The following DUS2 variants were observed in gnomAD, a reference collection of about 807,000 sequenced individuals.
DUS2 encodes the protein dihydrouridine synthase 2.
In DUS2, 52 loss-of-function variants were observed where a neutral mutation model predicts 71.3. The observed-to-expected ratio is 0.73, with a 90% CI of 0.58 to 0.92. The LOEUF (loss-of-function observed/expected upper bound fraction) is 0.92. Ranked by LOEUF, DUS2 falls within the 40% of genes least tolerant of loss-of-function variation. DUS2 has a pLI of 0.00. For synonymous variants in DUS2, 204 were observed against 227.8 expected (o/e 0.90, Z 0.94); for missense variants, 558 against 622.6 (o/e 0.90, Z 1.10).
chr16:68,038,349 G>A (rs12102597), intron 3 of DUS2, among the ~76,000 whole-genome samples, 200 bp downstream of exon 3: 4,219 of 152,284 alleles, frequency 0.028, 184 homozygotes, highest in African/African-American at 0.094. Flanking sequence ...TGGTAGCACA[G>A]AAGCGTTCTG....
rs780493628 is a variant in DUS2, at chr16:68,070,156, CA to C, written c.578del (p.His193LeufsTer20). 6.2e-7 allele frequency: 1 copy of C among 1,614,158 alleles called. No individual in the cohort carries two copies. The highest frequency in any genetic ancestry group is 8.5e-7 in the Non-Finnish European group (1 of 1,180,016). On this transcript the variant is annotated frameshift_variant, in exon 11 of 17. Transcript: ENST00000565263. LOFTEE classifies it high-confidence loss of function. Reference protein sequence around the residue: ...HGRKREERPQHPVSCEVIKAI... With the variant: ...HGRKREERPQXPVSCEVIKAI... ...AAGGAAGCGGGAGGAGCGACCTCAG[CA>C]TCCTGTCAGCTGTGAAGTCATCAAA...
intron 7 of DUS2, among the ~76,000 whole-genome samples, chr16:68,056,815 T>C (rs1292448221): frequency 1.4e-5 from 2 of 146,184 alleles, no homozygotes; most frequent in South Asian, 4.2e-4. Flanking sequence ...ATATATTTTA[T>C]TATATATTAT....
In DUS2 at chr16:68,066,563, C is replaced by T; in HGVS notation, c.484-3C>T. ...AACCATCCTGTGTGGTCCTCCTCCT[C>T]AGCTAGAAGATACCCTGAGCCTTGT... On this transcript the variant is annotated splice_region_variant and splice_polypyrimidine_tract_variant and intron_variant, in intron 9 of 16. Coordinates refer to ENST00000565263, the MANE Select transcript of DUS2 (RefSeq NM_017803.5). The T allele has an allele frequency of 6.2e-7, 1 of 1,614,158 alleles. No homozygotes were observed. Among genetic ancestry groups the T allele is most frequent in the South Asian group, 1.1e-5 (1 of 91,062 alleles).
intron 3 of DUS2, among the ~76,000 whole-genome samples, chr16:68,047,197 G>C (rs112577418): frequency 1.4e-5 from 2 of 147,366 alleles, no homozygotes; most frequent in Admixed American, 1.4e-4. Context: ...CTGGGATTAC[G>C]GGCACGTGCC....
intron 12 of DUS2, among the ~76,000 whole-genome samples, chr16:68,071,666 C>G (rs1333310480): frequency 4.5e-5 from 6 of 133,216 alleles, no homozygotes; most frequent in African/African-American, 1.8e-4. Flanking sequence ...GAGATGGGGT[C>G]TTGCTCTGTT....
chr16:68,035,929 T>TATATACAC (rs1416625748), intron 2 of DUS2, among the ~76,000 whole-genome samples: 1 of 108,572 alleles, frequency 9.2e-6, no homozygotes, highest in African/African-American at 3.9e-5. Context: ...TATATATATA[T>TATATACAC]ACACACATAC....
chr16:68,036,584 C>T (rs1470891322), intron 2 of DUS2, among the ~76,000 whole-genome samples: 3 of 152,154 alleles, frequency 2.0e-5, no homozygotes, highest in East Asian at 1.9e-4. Flanking sequence ...ATTACAAGCG[C>T]GAGCCACAGT....
At chr16:68,059,038 C>T (rs564313561) in intron 7 of DUS2, among the ~76,000 whole-genome samples, 12 of 152,172 alleles carry the variant, frequency 7.9e-5, no homozygotes, top group East Asian at 7.7e-4. Context: ...AGAATGAAAC[C>T]GCATGTCTAC....
chr16:68,056,287 G>C (rs1425462376), intron 6 of DUS2, 77 bp from the exon 7 acceptor site: 1 of 1,257,240 alleles, frequency 8.0e-7, no homozygotes, highest in Non-Finnish European at 1.2e-6. Context: ...ATGAGCACAG[G>C]CCCATCCATG....
At chr16:68,024,831 CTTT>C (rs568848831) in intron 1 of DUS2, among the ~76,000 whole-genome samples, 12 of 132,250 alleles carry the variant, frequency 9.1e-5, no homozygotes, top group Admixed American at 3.1e-4. Context: ...TGGCTGGATA[CTTT>C]TTTTTTTTTT....
chr16:68,055,683 G>C (rs1234484504), intron 6 of DUS2, among the ~76,000 whole-genome samples: 1 of 151,882 alleles, frequency 6.6e-6, no homozygotes, highest in Non-Finnish European at 1.5e-5. Context: ...GCAGCATGTG[G>C]CACATACTGA....
At chr16:68,049,694 C>T in intron 4 of DUS2, 144 bp downstream of exon 4, 1 of 760,466 alleles carries the variant, frequency 1.3e-6, no homozygotes, top group South Asian at 1.6e-5. Flanking sequence ...AGAGCAGTCA[C>T]TGATCTCCAG....
intron 7 of DUS2, among the ~76,000 whole-genome samples, chr16:68,058,709 T>C (rs574724396): frequency 6.6e-6 from 1 of 152,328 alleles, no homozygotes; most frequent in East Asian, 1.9e-4. Flanking sequence ...ACTAGTAACA[T>C]TGATTTCCTC....
Position 68,066,612 on chromosome 16 carries a change from T to C in DUS2, c.530T>C (p.Ile177Thr), listed in dbSNP as rs1382430487. The change falls in exon 10 of 17, where the codon ATT becomes ACT. Residue 177 changes from isoleucine to threonine, a missense_variant. By Grantham distance (89) the Ile-to-Thr change is moderately conservative (BLOSUM62 -1). Transcript: ENST00000565263. ...GTGAAGCGGATAGAGAGGACTGGCA[T>C]TGCTGCCATCGCAGTTCATGGGAGG... is the stretch of plus-strand genomic sequence containing the variant. The part of the protein sequence containing the change: ...SLVKRIERTG[I>T]AAIAVHGRKR... 1 of 1,614,072 alleles carries C rather than the reference T, an allele frequency of 6.2e-7. No homozygotes were observed. Among genetic ancestry groups the C allele is most frequent in the African/African-American group, 1.3e-5 (1 of 74,952 alleles).
chr16:68,063,341 G>A (rs1454552312), intron 8 of DUS2, among the ~76,000 whole-genome samples: 1 of 152,124 alleles, frequency 6.6e-6, no homozygotes, highest in Non-Finnish European at 1.5e-5. Context: ...AGAGCTTTGC[G>A]GGTCCTTCCA....
chr16:68,032,472 A>G (rs2033454086), intron 2 of DUS2, among the ~76,000 whole-genome samples: 1 of 152,212 alleles, frequency 6.6e-6, no homozygotes, highest in Non-Finnish European at 1.5e-5. Context: ...ACTGAGCTGC[A>G]GAGAAATGTA....
intron 3 of DUS2, among the ~76,000 whole-genome samples, chr16:68,047,117 G>A (rs1229660101): frequency 7.3e-6 from 1 of 137,118 alleles, no homozygotes; most frequent in African/African-American, 2.8e-5. Context: ...GTGCAGTGGT[G>A]CGGTCTTGGC....
intron 14 of DUS2, among the ~76,000 whole-genome samples, chr16:68,075,804 C>A (rs1262322517): frequency 6.6e-6 from 1 of 152,144 alleles, no homozygotes; most frequent in Non-Finnish European, 1.5e-5. Flanking sequence ...TTCCAAGGCC[C>A]TGAGGAACTG....
intron 12 of DUS2, 59 bp from the exon 13 acceptor site, chr16:68,073,975 G>A (rs2034121800): frequency 6.2e-7 from 1 of 1,606,404 alleles, no homozygotes; most frequent in East Asian, 2.2e-5. Flanking sequence ...CCTGCCATCA[G>A]AGCATAGCCC....
Sources: gnomAD v4.1 joint callset for allele counts (sites outside exome capture counted in the v4.1 genomes callset) on GRCh38, gnomAD v4.1.1 for gene constraint, MANE v1.5 for transcripts, NCBI Gene and HGNC (gene_info 2026-07-23, HGNC 2026-07-21) for gene names.